Variants in KLF5 observed in about 807,000 individuals in gnomAD.
KLF5 encodes the protein Krueppel-like factor 5.
Under a neutral mutation model 36.9 loss-of-function variants are expected in KLF5, and 9 were observed. The observed-to-expected ratio is 0.24, with a 90% CI of 0.15 to 0.43. KLF5 has a LOEUF of 0.43. KLF5 is among the 20% of genes least tolerant of loss of function. KLF5 has a pLI of 1.00. For synonymous variants in KLF5, 246 were observed against 241.7 expected, an observed-to-expected ratio of 1.02 and a Z score of -0.17; for missense variants, 524 against 599.5, an observed-to-expected ratio of 0.87 and a Z score of 1.31.
rs1195680036 is a variant in KLF5 at position 73,076,982 on chromosome 13, A to G, written c.*1096A>G. The G allele has an allele frequency of 1.3e-5, 2 of 152,530 alleles. No individual in the cohort carries two copies. The highest frequency in any genetic ancestry group is 2.9e-5 in the Non-Finnish European group (2 of 68,038). The allele number at this position is 152,530 out of a possible 1,614,324, so 9.4% of individuals were successfully genotyped here. ...ATCTAAATTACAGTGCAGTTTAGTT[A>G]ATCTATTAATACTGACTCAGTGTCT... On this transcript the variant is annotated 3_prime_UTR_variant, in exon 4 of 4. Coordinates refer to ENST00000377687, the MANE Select transcript of KLF5 (RefSeq NM_001730.5).
At chr13:73,064,393 G>C (rs543409786) in intron 3 of KLF5, among the ~76,000 whole-genome samples, 2 of 152,302 alleles carry the variant, frequency 1.3e-5, no homozygotes, top group South Asian at 2.1e-4. Context: ...AAATTGCAGT[G>C]TTAAAATCAG....
chr13:73,062,440 A>C lies in KLF5; in HGVS notation c.841A>C (p.Met281Leu). The change falls in exon 2 of 4, where the codon ATG becomes CTG. Residue 281 changes from methionine (M) to leucine (L), a missense_variant. This residue lies in a region of KLF5 where 454 missense variants were observed against 458.1 expected (regional missense o/e 0.99). Coordinates refer to ENST00000377687, the MANE Select transcript of KLF5 (RefSeq NM_001730.5). The part of the protein sequence containing the change: ...PQTAVKQFQG[M>L]PPCTYTMPSQ... The stretch of plus-strand genomic sequence containing the variant: ...GACTGCAGTGAAACAATTCCAGGGC[A>C]TGCCCCCTTGCACATACACAATGCC... 6.2e-7 allele frequency: 1 copy of C among 1,614,204 alleles called. No homozygotes were observed. Among genetic ancestry groups the C allele is most frequent in the South Asian group, 1.1e-5 (1 of 91,090 alleles).
rs139718552 is a variant in KLF5, at chr13:73,067,872, G to A, written c.1195+3989G>A. Among the ~76,000 whole-genome samples, 546 of 146,030 alleles carry A rather than the reference G, an allele frequency of 3.7e-3. 2 individuals carry two copies. Among genetic ancestry groups the A allele is most frequent in the African/African-American group, 0.013 (491 of 39,220 alleles). Reference sequence around the variant, plus strand: ...TTTTTTTTTTTTGAGATGAAGTCTCGCTTTCGTCCCCAGGCTGGAGTGCAA... The same window carrying A: ...TTTTTTTTTTTTGAGATGAAGTCTCACTTTCGTCCCCAGGCTGGAGTGCAA... On this transcript the variant is annotated intron_variant, in intron 3 of 3. Coordinates refer to ENST00000377687, the MANE Select transcript of KLF5 (RefSeq NM_001730.5).
intron 3 of KLF5, among the ~76,000 whole-genome samples, chr13:73,071,548 TTA>T (rs60551801): frequency 0.059 from 8,998 of 152,266 alleles, 338 homozygotes; most frequent in East Asian, 0.093. Flanking sequence ...TCCTCCTACT[TTA>T]TCTCTTTTCT....
In KLF5 at chr13:73,076,241, T is replaced by C. The variant is rs1169930652; in HGVS notation, c.*355T>C. 1 of 190,138 alleles carries C rather than the reference T, an allele frequency of 5.3e-6. No homozygotes were observed. The highest frequency in any genetic ancestry group is 1.1e-5 in the Non-Finnish European group (1 of 93,692). The allele number at this position is 190,138 out of a possible 1,614,324, so 11.8% of individuals were successfully genotyped here. A position where few individuals can be genotyped will look rare whatever the true frequency, so the allele number is the denominator to read the frequency against. ...AATGTGACAGTGTTCAGTAAACAAA[T>C]CAGTTGGCAGGCACCAGAAGAAGAA... On this transcript the variant is annotated 3_prime_UTR_variant, in exon 4 of 4. Coordinates refer to ENST00000377687, the MANE Select transcript of KLF5 (RefSeq NM_001730.5).
chr13:73,070,679 C>T (rs1266845385), intron 3 of KLF5, among the ~76,000 whole-genome samples: 7 of 152,186 alleles, frequency 4.6e-5, no homozygotes, highest in African/African-American at 1.2e-4. Flanking sequence ...GAAGTCCCCT[C>T]GCTGCCTTTG....
chr13:73,058,193 C>G (rs558770988), upstream of KLF5, among the ~76,000 whole-genome samples: 1 of 152,318 alleles, frequency 6.6e-6, no homozygotes, highest in African/African-American at 2.4e-5. Flanking sequence ...AGATTCCATG[C>G]TTCGGCTAGA....
At chr13:73,059,805 A>T in intron 1 of KLF5, 3 of 724,434 alleles carry the variant, frequency 4.1e-6, no homozygotes, top group African/African-American at 2.0e-5. Context: ...GGAAGGATGG[A>T]GGGGAATCTG....
At chr13:73,068,290 T>C (rs1489049848) in intron 3 of KLF5, among the ~76,000 whole-genome samples, 1 of 152,236 alleles carries the variant, frequency 6.6e-6, no homozygotes, top group Non-Finnish European at 1.5e-5. Context: ...CAGAAGACTT[T>C]ATTGCCTACT....
intron 3 of KLF5, among the ~76,000 whole-genome samples, chr13:73,071,846 A>G (rs1466360680): frequency 6.6e-6 from 1 of 152,212 alleles, no homozygotes; most frequent in Non-Finnish European, 1.5e-5. Context: ...TTCGCAGAAC[A>G]AGATACAAGA....
intron 1 of KLF5, 159 bp downstream of exon 1, chr13:73,059,747 G>C (rs1160436292): frequency 2.5e-6 from 2 of 811,008 alleles, no homozygotes; most frequent in Non-Finnish European, 3.0e-6. Context: ...ACGCCTGGCC[G>C]GGGCCCCGCG....
chr13:73,074,471 A>G (rs576202446), intron 3 of KLF5, among the ~76,000 whole-genome samples: 2 of 152,306 alleles, frequency 1.3e-5, no homozygotes, highest in Non-Finnish European at 1.5e-5. Flanking sequence ...TTAATATACA[A>G]ATTTATCTCA....
At position 73,062,427 on chromosome 13, in the gene KLF5, A is replaced by G. The variant is rs1353194167; in HGVS notation, c.828A>G (p.Lys276=). 2 of 1,614,184 alleles carry G rather than the reference A, an allele frequency of 1.2e-6. No homozygotes were observed. The highest frequency in any genetic ancestry group is 4.5e-5 in the East Asian group (2 of 44,886). ...CTGCTGTTCCGCAGACTGCAGTGAA[A>G]CAATTCCAGGGCATGCCCCCTTGCA... ...HTSAVPQTAV[K]QFQGMPPCTY... Residue 276 remains lysine (K), a synonymous_variant, in exon 2 of 4, where the codon AAA becomes AAG. Coordinates refer to ENST00000377687, the MANE Select transcript of KLF5 (RefSeq NM_001730.5).
rs531970711 is a variant in KLF5 at position 73,076,181 on chromosome 13, G to T, written c.*295G>T. 6.9e-5 allele frequency: 19 copies of T among 274,314 alleles called. No homozygotes were observed. In the South Asian group the frequency reaches 2.9e-3, roughly 42 times the overall value. 17.0% of individuals were successfully genotyped at this position (274,314 alleles called of 1,614,324 possible). On this transcript the variant is annotated 3_prime_UTR_variant, in exon 4 of 4. Coordinates refer to ENST00000377687, the MANE Select transcript of KLF5 (RefSeq NM_001730.5). ...GGGTAAGGGGTGGGGGTGGAGGGGA[G>T]TGTGTGCAGCGTTTTTACCTAGGCA...
At chr13:73,061,792 G>GCCGATTGTTCGTTCTTC in intron 1 of KLF5, 69 bp from the exon 2 acceptor site, 1 of 1,464,782 alleles carries the variant, frequency 6.8e-7, no homozygotes. Flanking sequence ...TTTAGTAGGC[G>GCCGATTGTTCGTTCTTC]CCGATTGTTC....
rs2044681525 is a variant in KLF5, at chr13:73,066,533, A to C, written c.1195+2650A>C. Among the ~76,000 whole-genome samples the C allele has an allele frequency of 3.3e-5, 5 of 152,152 alleles. No individual in the cohort carries two copies. The South Asian group carries it at 1.0e-3, about 32-fold the overall frequency. On this transcript the variant is annotated intron_variant, in intron 3 of 3. Coordinates refer to ENST00000377687, the MANE Select transcript of KLF5 (RefSeq NM_001730.5). Reference sequence around the variant, plus strand: ...TCGTTTTACAGGCAGAATGTGAAGCACCCTAGCATTTCTTTGGAAAATAAT... The same window carrying C: ...TCGTTTTACAGGCAGAATGTGAAGCCCCCTAGCATTTCTTTGGAAAATAAT...
chr13:73,059,640 C>G, intron 1 of KLF5, 52 bp downstream of exon 1: 1 of 1,124,888 alleles, frequency 8.9e-7, no homozygotes, highest in South Asian at 4.3e-5. Context: ...TCGGGCGTGT[C>G]CCGTTGCTGC....
At chr13:73,059,778 G>GT (rs1311752163) in intron 1 of KLF5, 190 bp downstream of exon 1, 2 of 737,450 alleles carry the variant, frequency 2.7e-6, no homozygotes, top group Non-Finnish European at 3.3e-6. Context: ...AGTAAATGGG[G>GT]GGGGGGGCCG....
intron 3 of KLF5, among the ~76,000 whole-genome samples, chr13:73,070,989 T>G (rs1363581876): frequency 2.6e-5 from 4 of 152,204 alleles, no homozygotes; most frequent in African/African-American, 9.6e-5. Context: ...CTCCTTTTCT[T>G]TAATCAGAAT....
Sources: allele counts gnomAD v4.1 joint callset (sites outside exome capture counted in the v4.1 genomes callset), GRCh38; gene constraint gnomAD v4.1.1; regional missense constraint gnomAD v4.1.1; transcripts MANE v1.5; gene names NCBI Gene and HGNC (gene_info 2026-07-23, HGNC 2026-07-21).